The following DEPDC1B variants were observed in gnomAD, a reference collection of about 807,000 sequenced individuals.
DEPDC1B encodes the protein DEP domain-containing protein 1B.
In DEPDC1B, 51 loss-of-function variants were observed where a neutral mutation model predicts 66.5. The ratio of observed to expected loss-of-function variants is 0.77; its 90% CI spans 0.61 to 0.97. The LOEUF (loss-of-function observed/expected upper bound fraction) is 0.97. Ranked by LOEUF, DEPDC1B falls within the 50% of genes least tolerant of loss-of-function variation. The pLI, the probability that DEPDC1B is intolerant of heterozygous loss-of-function variation, is 0.00. For synonymous variants in DEPDC1B, 226 were observed against 223.6 expected (o/e 1.01, Z -0.10); for missense variants, 552 against 637.1 (o/e 0.87, Z 1.44).
At chr5:60,640,207 T>C (rs1443460194) in intron 6 of DEPDC1B, among the ~76,000 whole-genome samples, 3 of 152,222 alleles carry the variant, frequency 2.0e-5, no homozygotes, top group Non-Finnish European at 4.4e-5. Context: ...CCATTTTGCT[T>C]GCCTCCTGCT....
intron 5 of DEPDC1B, among the ~76,000 whole-genome samples, chr5:60,643,375 A>G (rs933310090): frequency 2.6e-5 from 4 of 152,224 alleles, no homozygotes; most frequent in African/African-American, 9.6e-5. Flanking sequence ...GGCTATTAGT[A>G]TTAGGACAAC....
intron 2 of DEPDC1B, among the ~76,000 whole-genome samples, chr5:60,668,528 G>A (rs936227790): frequency 1.6e-4 from 25 of 151,734 alleles, no homozygotes; most frequent in Admixed American, 4.6e-4. Context: ...CGCCTGCCTC[G>A]GCCTCCCAAA....
chr5:60,639,581 G>C (rs945331468), intron 6 of DEPDC1B, among the ~76,000 whole-genome samples: 9 of 152,146 alleles, frequency 5.9e-5, no homozygotes, highest in Non-Finnish European at 8.8e-5. Context: ...CCCTGAAACA[G>C]CCTGCTCCCA....
intron 2 of DEPDC1B, among the ~76,000 whole-genome samples, chr5:60,648,731 G>T (rs1753377581): frequency 6.6e-6 from 1 of 152,106 alleles, no homozygotes; most frequent in South Asian, 2.1e-4. Context: ...GAGAGTTCTG[G>T]AAATCAGTAA....
At chr5:60,683,884 G>C (rs1313916434) in intron 2 of DEPDC1B, among the ~76,000 whole-genome samples, 1 of 151,820 alleles carries the variant, frequency 6.6e-6, no homozygotes, top group Non-Finnish European at 1.5e-5. Context: ...AAAAAATTCA[G>C]AACTGATAAA....
At chr5:60,616,655 A>G (rs1193853820) in intron 7 of DEPDC1B, among the ~76,000 whole-genome samples, 3 of 152,206 alleles carry the variant, frequency 2.0e-5, no homozygotes, top group African/African-American at 4.8e-5. Context: ...CCAAATCTAT[A>G]TCTGATTGGT....
At chr5:60,611,096 C>G (rs945072752) in intron 7 of DEPDC1B, among the ~76,000 whole-genome samples, 3 of 152,190 alleles carry the variant, frequency 2.0e-5, no homozygotes, top group African/African-American at 7.2e-5. Flanking sequence ...ATTTTTCCAA[C>G]AACATGGGCT....
At chr5:60,658,277 C>G (rs1053682832) in intron 2 of DEPDC1B, among the ~76,000 whole-genome samples, 1 of 152,232 alleles carries the variant, frequency 6.6e-6, no homozygotes, top group African/African-American at 2.4e-5. Context: ...AATCTACCTT[C>G]ACAATTCTTT....
intron 2 of DEPDC1B, among the ~76,000 whole-genome samples, chr5:60,655,075 T>C (rs771960516): frequency 6.7e-6 from 1 of 149,078 alleles, no homozygotes; most frequent in Non-Finnish European, 1.5e-5. Flanking sequence ...GGGATATTGG[T>C]CTATAGTTTT....
chr5:60,644,686 G>A lies in DEPDC1B; in HGVS notation c.709+59C>T, dbSNP rs992889237. 1.5e-5 allele frequency: 21 copies of A among 1,434,802 alleles called. No homozygotes were observed. The South Asian group carries it at 2.7e-4, about 19-fold the overall frequency. 88.9% of individuals were successfully genotyped at this position (1,434,802 alleles called of 1,614,324 possible). A position where few individuals can be genotyped will look rare whatever the true frequency, so the allele number is the denominator to read the frequency against. On this transcript the variant is annotated intron_variant, in intron 5 of 10. Transcript: ENST00000265036. ...AGGGAAGGGTCAGAAAGGAGCTGAT[G>A]GACCTGTGCAGCCAATATATTATGT...
rs1754439763 is a variant in DEPDC1B at position 60,687,212 on chromosome 5, C to T, written c.64G>A (p.Glu22Lys). 1 of 1,610,684 alleles carries T rather than the reference C, an allele frequency of 6.2e-7. No homozygotes were observed. The highest frequency in any genetic ancestry group is 8.5e-7 in the Non-Finnish European group (1 of 1,177,026). ...RATRLWNETV[E>K]LFRAKMPLRK... ...AACGGCATCTTAGCACGAAAAAGCTCCACGGTCTCATTCCACTAGGGGAAA... is the reference window on the plus strand; with the variant it reads ...AACGGCATCTTAGCACGAAAAAGCTTCACGGTCTCATTCCACTAGGGGAAA... Residue 22 changes from glutamate to lysine, a missense_variant, in exon 2 of 11, where the codon GAG (glutamate) becomes AAG (lysine). Coordinates refer to ENST00000265036, the MANE Select transcript of DEPDC1B (RefSeq NM_018369.3).
At chr5:60,681,066 G>A (rs938338822) in intron 2 of DEPDC1B, among the ~76,000 whole-genome samples, 1 of 152,182 alleles carries the variant, frequency 6.6e-6, no homozygotes, top group African/African-American at 2.4e-5. Flanking sequence ...TATGTGATGA[G>A]GATGGAACAA....
chr5:60,685,844 T>G (rs767631264), intron 2 of DEPDC1B, among the ~76,000 whole-genome samples: 1 of 152,168 alleles, frequency 6.6e-6, no homozygotes, highest in Non-Finnish European at 1.5e-5. Flanking sequence ...GGTCTCAGAA[T>G]AGGTCAAGAT....
At chr5:60,640,804 T>A (rs953679446) in intron 6 of DEPDC1B, among the ~76,000 whole-genome samples, 1 of 152,154 alleles carries the variant, frequency 6.6e-6, no homozygotes, top group Non-Finnish European at 1.5e-5. Flanking sequence ...CCCTTTTAGA[T>A]GACTGAAACA....
At chr5:60,699,659 C>G (rs1487134992) in intron 1 of DEPDC1B, among the ~76,000 whole-genome samples, 2 of 152,130 alleles carry the variant, frequency 1.3e-5, no homozygotes, top group Non-Finnish European at 1.5e-5. Context: ...ACACGCCCTG[C>G]CTGGACTGCC....
intron 7 of DEPDC1B, chr5:60,628,385 A>G (rs1220550017): frequency 2.6e-5 from 4 of 152,190 alleles, no homozygotes; most frequent in African/African-American, 9.7e-5. Flanking sequence ...TGAAACATGA[A>G]GGTTTTTGAG....
chr5:60,663,247 G>A (rs550073120), intron 2 of DEPDC1B, among the ~76,000 whole-genome samples: 43 of 152,210 alleles, frequency 2.8e-4, no homozygotes, highest in African/African-American at 9.6e-4. Flanking sequence ...TTCCACCTCC[G>A]TTCCCTACCA....
chr5:60,606,906 C>T (rs1752322744), intron 7 of DEPDC1B, among the ~76,000 whole-genome samples: 1 of 152,024 alleles, frequency 6.6e-6, no homozygotes, highest in South Asian at 2.1e-4. Flanking sequence ...TGTCCTATAT[C>T]CAACCATTTC....
At chr5:60,628,445 A>G (rs544063269) in intron 7 of DEPDC1B, 1 of 152,328 alleles carries the variant, frequency 6.6e-6, no homozygotes, top group African/African-American at 2.4e-5. Context: ...TTGTTCAGCC[A>G]GAGAAGAAAC....
Sources: gnomAD v4.1 joint callset for allele counts (sites outside exome capture counted in the v4.1 genomes callset) on GRCh38, gnomAD v4.1.1 for gene constraint, MANE v1.5 for transcripts, NCBI Gene and HGNC (gene_info 2026-07-23, HGNC 2026-07-21) for gene names.